The following SMAD2 variants were observed in gnomAD, a reference collection of about 807,000 sequenced individuals.
SMAD2 encodes MAD homolog 2.
SMAD2 carries 8 observed loss-of-function variants against 64.4 expected under a neutral mutation model. The ratio of observed to expected loss-of-function variants is 0.12; its 90% confidence interval spans 0.07 to 0.22. The LOEUF is 0.22. SMAD2 is among the 10% of genes least tolerant of loss of function. The pLI, the probability that SMAD2 is intolerant of heterozygous loss-of-function variation, is 1.00. For missense variants in SMAD2, 289 were observed against 561.2 expected, an observed-to-expected ratio of 0.51 and a Z score of 4.90; for synonymous variants, 203 against 195.8, an observed-to-expected ratio of 1.04 and a Z score of -0.31.
At position 47,889,770 on chromosome 18, in the gene SMAD2, C is replaced by CAAA. The variant is rs762837949; in HGVS notation, c.236+6748_236+6750dup. 8.1e-3 allele frequency among the ~76,000 whole-genome samples: 770 copies of CAAA among 95,208 alleles called. 4 individuals carry two copies. Among genetic ancestry groups the CAAA allele is most frequent in the African/African-American group, 0.028 (726 of 25,514 alleles). The allele number at this position is 95,208 out of a possible 152,430, so 62.5% of individuals were successfully genotyped here. On this transcript the variant is annotated intron_variant, in intron 2 of 10. Coordinates refer to ENST00000262160, the MANE Select transcript of SMAD2 (RefSeq NM_005901.6). Reference sequence around the variant, plus strand: ...TGGGTGACAGAGCGAGACTCCATCTCAAAAAAAAAAAAAAGGACTGGAAAC... The same window carrying CAAA: ...TGGGTGACAGAGCGAGACTCCATCTCAAAAAAAAAAAAAAAAAGGACTGGAAAC...
rs750959440 is a variant in SMAD2 at position 47,869,293 on chromosome 18, T to C, written c.470A>G (p.Lys157Arg). 1 of 1,613,626 alleles carries C rather than the reference T, an allele frequency of 6.2e-7. No individual in the cohort carries two copies. The highest frequency in any genetic ancestry group is 8.5e-7 in the Non-Finnish European group (1 of 1,179,650). Residue 157 changes from lysine (K) to arginine (R), a missense_variant, in exon 4 of 11, where the codon AAG becomes AGG. Around this residue, in one of 6 missense-constraint regions of SMAD2, gnomAD observed 119 missense variants for 156.7 expected, o/e 0.76. Transcript: ENST00000262160. ...ENCEYAFNLK[K>R]DEVCVNPYHY... Reference sequence around the variant, plus strand: ...GTAAGGGTTTACACATACTTCATCCTTTTTAAGATTAAAAGCATATTCGCA... The same window carrying C: ...GTAAGGGTTTACACATACTTCATCCCTTTTAAGATTAAAAGCATATTCGCA...
At chr18:47,928,976 C>T (rs934823084) in intron 1 of SMAD2, among the ~76,000 whole-genome samples, 1 of 152,108 alleles carries the variant, frequency 6.6e-6, no homozygotes, top group South Asian at 2.1e-4. Context: ...TTTACGGCAA[C>T]GGCTAAGGAA....
chr18:47,918,182 C>T (rs2034411169), intron 1 of SMAD2, among the ~76,000 whole-genome samples: 1 of 152,156 alleles, frequency 6.6e-6, no homozygotes. Flanking sequence ...TCCTCTGCCT[C>T]AACGTTTACT....
rs1475608254 is a variant in SMAD2 at position 47,822,118 on chromosome 18, GTTA to G, written c.*19706_*19708del. On this transcript the variant is annotated 3_prime_UTR_variant, in exon 11 of 11. Coordinates refer to ENST00000262160, the MANE Select transcript of SMAD2 (RefSeq NM_005901.6). The stretch of plus-strand genomic sequence containing the variant: ...TAGACACAGTTACATTTATGAGTAT[GTTA>G]TTGATATGAGTGTTCCAAAATTGTA... 1 of 152,162 alleles carries G rather than the reference GTTA, an allele frequency of 6.6e-6. No individual in the cohort carries two copies. The highest frequency in any genetic ancestry group is 1.5e-5 in the Non-Finnish European group (1 of 68,026). 9.4% of individuals were successfully genotyped at this position (152,162 alleles called of 1,614,324 possible).
At chr18:47,878,299 G>A (rs1405890833) in intron 2 of SMAD2, 4 of 152,186 alleles carry the variant, frequency 2.6e-5, no homozygotes. Context: ...GTCCAGATAT[G>A]TGAGGAATAG....
Position 47,893,965 on chromosome 18 carries a change from G to GA in SMAD2, c.236+2555dup, listed in dbSNP as rs142944353. Among the ~76,000 whole-genome samples, 1,013 of 152,172 alleles carry GA rather than the reference G, an allele frequency of 6.7e-3. 9 individuals carry two copies. Among genetic ancestry groups the GA allele is most frequent in the African/African-American group, 0.023 (958 of 41,510 alleles). On this transcript the variant is annotated intron_variant, in intron 2 of 10. Coordinates refer to ENST00000262160, the MANE Select transcript of SMAD2 (RefSeq NM_005901.6). ...ACTTCATTAATCAGGTGAGAGGGCA[G>GA]AAAAAAATGTTTTTAATGATGAAGC...
intron 2 of SMAD2, among the ~76,000 whole-genome samples, chr18:47,881,090 ATTCGCCTAC>A (rs35304666): frequency 0.53 from 80,269 of 151,514 alleles, 21,865 homozygotes; most frequent in East Asian, 0.82. Flanking sequence ...AAAACAGAAA[ATTCGCCTAC>A]GCCATTTCCT....
At chr18:47,869,519 CAAT>C in intron 3 of SMAD2, 83 bp from the exon 4 acceptor site, 5 of 891,054 alleles carry the variant, frequency 5.6e-6, no homozygotes, top group Non-Finnish European at 8.6e-6. Context: ...TAAATTAGTA[CAAT>C]AAAAGCATAA....
chr18:47,838,988 G>T lies in SMAD2; in HGVS notation c.*2839C>A. ...AGGGGATTCTATCACTTAGAAAAATGAAAACCACACCTATAAATGGGGGGA... is the reference window on the plus strand; with the variant it reads ...AGGGGATTCTATCACTTAGAAAAATTAAAACCACACCTATAAATGGGGGGA... On this transcript the variant is annotated 3_prime_UTR_variant, in exon 11 of 11. Coordinates refer to ENST00000262160, the MANE Select transcript of SMAD2 (RefSeq NM_005901.6). 2 of 230,768 alleles carry T rather than the reference G, an allele frequency of 8.7e-6. No individual in the cohort carries two copies. The highest frequency in any genetic ancestry group is 1.7e-5 in the Non-Finnish European group (2 of 117,578). The allele number at this position is 230,768 out of a possible 1,614,324, so 14.3% of individuals were successfully genotyped here.
chr18:47,874,077 G>A (rs1394103134), intron 2 of SMAD2, among the ~76,000 whole-genome samples: 1 of 152,194 alleles, frequency 6.6e-6, no homozygotes, highest in Non-Finnish European at 1.5e-5. Flanking sequence ...CATATTCACA[G>A]ATGAGTCAAT....
chr18:47,842,400 C>A (rs1212667431), intron 10 of SMAD2, among the ~76,000 whole-genome samples: 1 of 152,004 alleles, frequency 6.6e-6, no homozygotes, highest in African/African-American at 2.4e-5. Flanking sequence ...ATTAGCTGGG[C>A]GTGGTGGCGT....
At chr18:47,845,922 T>C (rs537909481) in intron 8 of SMAD2, 122 bp from the exon 9 acceptor site, 29 of 846,282 alleles carry the variant, frequency 3.4e-5, no homozygotes, top group African/African-American at 5.0e-5. Flanking sequence ...TTTTCACAGA[T>C]AATGTCTTTC....
chr18:47,842,659 A>C (rs1914084157), intron 10 of SMAD2, among the ~76,000 whole-genome samples: 1 of 152,224 alleles, frequency 6.6e-6, no homozygotes, highest in Admixed American at 6.5e-5. Flanking sequence ...AGATACTCAA[A>C]TATCAAACAG....
Position 47,837,644 on chromosome 18 carries a change from T to C in SMAD2, c.*4183A>G, listed in dbSNP as rs1038850539. On this transcript the variant is annotated 3_prime_UTR_variant, in exon 11 of 11. Coordinates refer to ENST00000262160, the MANE Select transcript of SMAD2 (RefSeq NM_005901.6). ...TACCACCTGGATGTGTGTTGTCAGG[T>C]AGAAAGGAAGAATAAAATTCAGGCA... 1 of 227,310 alleles carries C rather than the reference T, an allele frequency of 4.4e-6. No individual in the cohort carries two copies. The highest frequency in any genetic ancestry group is 8.6e-6 in the Non-Finnish European group (1 of 115,768). 14.1% of individuals were successfully genotyped at this position (227,310 alleles called of 1,614,324 possible).
chr18:47,849,487 G>GTATA (rs10584029), intron 7 of SMAD2, among the ~76,000 whole-genome samples: 165 of 148,376 alleles, frequency 1.1e-3, no homozygotes, highest in African/African-American at 3.9e-3. Context: ...AGAAATGTAT[G>GTATA]TATATATATA....
chr18:47,857,532 A>G (rs1158854352), intron 6 of SMAD2, among the ~76,000 whole-genome samples: 1 of 152,244 alleles, frequency 6.6e-6, no homozygotes, highest in Non-Finnish European at 1.5e-5. Context: ...TAGCAGTAAG[A>G]AAACAGTGGA....
intron 2 of SMAD2, among the ~76,000 whole-genome samples, chr18:47,891,585 G>A (rs1037111767): frequency 6.6e-6 from 1 of 151,280 alleles, no homozygotes; most frequent in South Asian, 2.1e-4. Context: ...GCTGTTCACA[G>A]ATGTGATCAC....
intron 1 of SMAD2, among the ~76,000 whole-genome samples, chr18:47,905,015 A>G (rs1342778734): frequency 6.6e-6 from 1 of 152,236 alleles, no homozygotes; most frequent in Non-Finnish European, 1.5e-5. Flanking sequence ...TATTGTAGAC[A>G]GGACAACTAT....
At chr18:47,862,947 C>T (rs2031292893) in intron 6 of SMAD2, among the ~76,000 whole-genome samples, 1 of 151,466 alleles carries the variant, frequency 6.6e-6, no homozygotes, top group South Asian at 2.1e-4. Context: ...CTAATATCCA[C>T]TATAAAGGAA....
Sources: allele counts gnomAD v4.1 joint callset (sites outside exome capture counted in the v4.1 genomes callset), GRCh38; gene constraint gnomAD v4.1.1; regional missense constraint gnomAD v4.1.1; transcripts MANE v1.5; gene names NCBI Gene and HGNC (gene_info 2026-07-23, HGNC 2026-07-21).